The following PLCB4 variants were observed in gnomAD, a reference collection of about 807,000 sequenced individuals.
PLCB4 encodes the protein 1-phosphatidylinositol 4,5-bisphosphate phosphodiesterase beta-4.
A neutral mutation model predicts 178.8 loss-of-function variants in PLCB4; 77 were observed. The observed-to-expected ratio is 0.43, with a 90% CI of 0.36 to 0.52. PLCB4 has a LOEUF of 0.52. Among genes scored for constraint, PLCB4 ranks in the 20% least tolerant of loss-of-function variants. PLCB4 has a pLI of 0.00. For missense variants in PLCB4, 1,024 were observed against 1,453.4 expected (o/e 0.70, Z 4.80); for synonymous variants, 496 against 490.8 (o/e 1.01, Z -0.14).
intron 30 of PLCB4, 28 bp downstream of exon 30, chr20:9,437,180 C>T (rs372935897): frequency 2.1e-5 from 33 of 1,596,284 alleles, no homozygotes; most frequent in Non-Finnish European, 2.5e-5. Context: ...GGTTCCTTAT[C>T]TTCTGCACCC....
chr20:9,387,460 T>C lies in PLCB4; in HGVS notation c.1065-3T>C. ...CAATATTGTAACTTCACTATATCCC[T>C]AGATGTGTTGAACTTGACTGCTGGG... On this transcript the variant is annotated splice_region_variant and splice_polypyrimidine_tract_variant and intron_variant, in intron 14 of 39. Coordinates refer to ENST00000378473, the MANE Select transcript of PLCB4 (RefSeq NM_001377142.1). The C allele has an allele frequency of 1.3e-6, 2 of 1,496,596 alleles. No homozygotes were observed. Among genetic ancestry groups the C allele is most frequent in the Non-Finnish European group, 1.9e-6 (2 of 1,077,948 alleles). 92.7% of individuals were successfully genotyped at this position (1,496,596 alleles called of 1,614,324 possible). A position where few individuals can be genotyped will look rare whatever the true frequency, so the allele number is the denominator to read the frequency against.
chr20:9,341,979 A>G (rs2033258692), intron 7 of PLCB4, among the ~76,000 whole-genome samples: 1 of 152,158 alleles, frequency 6.6e-6, no homozygotes, highest in African/African-American at 2.4e-5. Context: ...TATATAAATA[A>G]ATATAAATCT....
chr20:9,300,789 T>C (rs1029048600), intron 3 of PLCB4, among the ~76,000 whole-genome samples: 3 of 152,136 alleles, frequency 2.0e-5, no homozygotes, highest in African/African-American at 4.8e-5. Context: ...CCAAACTTAT[T>C]TGGCAACTTT....
At chr20:9,378,182 C>G (rs1173571124) in intron 12 of PLCB4, among the ~76,000 whole-genome samples, 2 of 152,054 alleles carry the variant, frequency 1.3e-5, no homozygotes, top group Admixed American at 1.3e-4. Flanking sequence ...TCCCTTTTTT[C>G]TCTCATTTTT....
At position 9,087,586 on chromosome 20, in the gene PLCB4, C is replaced by T. The variant is rs6039385; in HGVS notation, c.-134-8701C>T. ...CCTTTTTTCATTCTTAGGCTTGAGCCCAGGCTTAGTGATCAGCAGTAGGGA... is the reference window on the plus strand; with the variant it reads ...CCTTTTTTCATTCTTAGGCTTGAGCTCAGGCTTAGTGATCAGCAGTAGGGA... On this transcript the variant is annotated intron_variant, in intron 1 of 39. Transcript: ENST00000378473. 2.7e-3 allele frequency among the ~76,000 whole-genome samples: 418 copies of T among 152,272 alleles called. 1 individual carries two copies. The highest frequency in any genetic ancestry group is 9.4e-3 in the African/African-American group (389 of 41,552).
chr20:9,411,319 A>G (rs2039844337), intron 25 of PLCB4, among the ~76,000 whole-genome samples: 1 of 152,232 alleles, frequency 6.6e-6, no homozygotes, highest in South Asian at 2.1e-4. Context: ...CAGTTCATAC[A>G]TATGCTACAG....
At chr20:9,343,527 C>G (rs2033465264) in intron 7 of PLCB4, among the ~76,000 whole-genome samples, 1 of 152,162 alleles carries the variant, frequency 6.6e-6, no homozygotes, top group Admixed American at 6.6e-5. Context: ...GTGCATATGA[C>G]TCTGAAAATA....
intron 2 of PLCB4, among the ~76,000 whole-genome samples, chr20:9,131,803 G>C (rs6140870): frequency 0.2 from 29,977 of 152,006 alleles, 3,945 homozygotes; most frequent in East Asian, 0.55. Flanking sequence ...TTGGTTGATG[G>C]GACATTAGTA....
intron 14 of PLCB4, among the ~76,000 whole-genome samples, chr20:9,386,230 G>A (rs2037649892): frequency 1.3e-5 from 2 of 151,930 alleles, no homozygotes; most frequent in South Asian, 4.2e-4. Context: ...TCCAGCCTCG[G>A]CAACGGAGGG....
chr20:9,342,158 T>C (rs1433139414), intron 7 of PLCB4, among the ~76,000 whole-genome samples: 1 of 152,166 alleles, frequency 6.6e-6, no homozygotes, highest in Non-Finnish European at 1.5e-5. Context: ...CAACATTTTC[T>C]CCATCACCAC....
intron 3 of PLCB4, among the ~76,000 whole-genome samples, chr20:9,267,547 G>A (rs940112467): frequency 2.0e-5 from 3 of 151,866 alleles, no homozygotes; most frequent in Non-Finnish European, 4.4e-5. Context: ...TGATTTTTGA[G>A]GTTATTTTTC....
At chr20:9,089,572 T>C (rs1324960301) in intron 1 of PLCB4, among the ~76,000 whole-genome samples, 1 of 152,150 alleles carries the variant, frequency 6.6e-6, no homozygotes, top group African/African-American at 2.4e-5. Context: ...TTTAATCAGC[T>C]CACTTAATTT....
intron 25 of PLCB4, among the ~76,000 whole-genome samples, chr20:9,419,081 A>C (rs889870635): frequency 1.3e-5 from 2 of 151,044 alleles, no homozygotes; most frequent in Non-Finnish European, 3.0e-5. Context: ...GTTTTTTTTT[A>C]TTTATGGGAT....
At chr20:9,386,249 G>GA (rs913634749) in intron 14 of PLCB4, among the ~76,000 whole-genome samples, 1 of 151,268 alleles carries the variant, frequency 6.6e-6, no homozygotes, top group African/African-American at 2.4e-5. Context: ...GGAGACCGAA[G>GA]AAAGGAGGGA....
intron 4 of PLCB4, among the ~76,000 whole-genome samples, chr20:9,311,993 G>T (rs1363480023): frequency 6.6e-6 from 1 of 152,062 alleles, no homozygotes; most frequent in African/African-American, 2.4e-5. Context: ...AGGTACATGG[G>T]CCTAGTGGCT....
At chr20:9,264,349 C>G (rs1330797590) in intron 3 of PLCB4, among the ~76,000 whole-genome samples, 1 of 152,130 alleles carries the variant, frequency 6.6e-6, no homozygotes, top group Admixed American at 6.5e-5. Context: ...TGCAGGAACG[C>G]TTTAATTATT....
chr20:9,228,152 C>T (rs2093889553), intron 3 of PLCB4, among the ~76,000 whole-genome samples: 3 of 152,206 alleles, frequency 2.0e-5, no homozygotes, highest in Admixed American at 2.0e-4. Context: ...ATGAGCTTCT[C>T]ATTTGCAGTG....
At chr20:9,297,438 G>T (rs1000225497) in intron 3 of PLCB4, among the ~76,000 whole-genome samples, 5 of 151,922 alleles carry the variant, frequency 3.3e-5, no homozygotes, top group African/African-American at 9.7e-5. Context: ...TGGGTGATGG[G>T]TGCACAAAAT....
At chr20:9,393,894 T>C (rs1214472211) in intron 18 of PLCB4, among the ~76,000 whole-genome samples, 1 of 152,188 alleles carries the variant, frequency 6.6e-6, no homozygotes, top group Non-Finnish European at 1.5e-5. Context: ...TATCTATATA[T>C]TCAAATGCCA....
Sources: allele counts gnomAD v4.1 joint callset (sites outside exome capture counted in the v4.1 genomes callset), GRCh38; gene constraint gnomAD v4.1.1; transcripts MANE v1.5; gene names NCBI Gene and HGNC (gene_info 2026-07-23, HGNC 2026-07-21).